GPR174: variants seen among roughly 807,000 people sequenced by gnomAD.
The protein encoded by GPR174 is probable G protein-coupled receptor 174.
Under a neutral mutation model 16.5 loss-of-function variants are expected in GPR174, and 8 were observed. That is an observed-to-expected ratio of 0.48 (90% confidence interval 0.28 to 0.87). The LOEUF (loss-of-function observed/expected upper bound fraction) is 0.87. GPR174 is among the 40% of genes least tolerant of loss of function. The pLI, the probability that GPR174 is intolerant of heterozygous loss-of-function variation, is 0.09. For synonymous variants in GPR174, 111 were observed against 94.8 expected, an observed-to-expected ratio of 1.17 and a Z score of -0.99; for missense variants, 214 against 247.5, an observed-to-expected ratio of 0.86 and a Z score of 0.91.
At chrX:79,167,031 T>C (rs1295432011) in intron 2 of GPR174, among the ~76,000 whole-genome samples, 1 of 111,561 alleles carries the variant, frequency 9.0e-6, no homozygotes, top group Non-Finnish European at 1.9e-5. Context: ...CATTTTAAGA[T>C]AGTGGCCTTG....
intron 2 of GPR174, among the ~76,000 whole-genome samples, chrX:79,164,766 C>T (rs758828658): frequency 1.3e-3 from 140 of 111,459 alleles, no homozygotes; most frequent in Non-Finnish European, 1.5e-3. Context: ...CAACATGCTA[C>T]GAAGATCCAG....
intron 1 of GPR174, among the ~76,000 whole-genome samples, chrX:79,148,288 C>T (rs1028218292): frequency 9.0e-6 from 1 of 111,248 alleles, no homozygotes; most frequent in Admixed American, 9.5e-5. Flanking sequence ...GTCAAAAGTG[C>T]CCATCAACTC....
Position 79,145,039 on chromosome X carries a change from TTTCTTTCTTTC to T in GPR174, c.-829_-819del, listed in dbSNP as rs1926470709. ...CTTTCTTTCTTTCTTTCTTTCTTTCTTTCTTTCTTTCTTTCTTTCTTTCTTTTTTTTCTCCT... is the reference window on the plus strand; with the variant it reads ...CTTTCTTTCTTTCTTTCTTTCTTTCTTTTCTTTCTTTCTTTTTTTTCTCCT... On this transcript the variant is annotated 5_prime_UTR_variant, in exon 1 of 3. Transcript: ENST00000645147. 2.0e-5 allele frequency: 2 copies of T among 99,389 alleles called. No individual in the cohort carries two copies. Among genetic ancestry groups the T allele is most frequent in the African/African-American group, 7.4e-5 (2 of 26,911 alleles). The allele number at this position is 99,389 out of a possible 1,213,427, so 8.2% of individuals were successfully genotyped here.
chrX:79,152,080 A>G (rs931021997), intron 1 of GPR174, among the ~76,000 whole-genome samples: 1 of 112,079 alleles, frequency 8.9e-6, no homozygotes, highest in Admixed American at 9.4e-5. Flanking sequence ...TTAGAGCACA[A>G]TGTGTGGTTT....
intron 1 of GPR174, among the ~76,000 whole-genome samples, chrX:79,151,683 G>A (rs1037931679): frequency 1.8e-5 from 2 of 111,715 alleles, no homozygotes; most frequent in African/African-American, 3.3e-5. Flanking sequence ...AAAAGGAAAA[G>A]GAGGCGGGGA....
chrX:79,164,826 C>G (rs769227717), intron 2 of GPR174, among the ~76,000 whole-genome samples: 3 of 111,052 alleles, frequency 2.7e-5, no homozygotes, highest in African/African-American at 9.8e-5. Flanking sequence ...CTAGGGGAGG[C>G]TTATTTTCAA....
In GPR174 at chrX:79,172,334, G is replaced by T. The variant is rs1238187282; in HGVS notation, c.*325G>T. 2 of 202,428 alleles carry T rather than the reference G, an allele frequency of 9.9e-6. No individual in the cohort carries two copies. Among genetic ancestry groups the T allele is most frequent in the Non-Finnish European group, 9.1e-6 (1 of 109,436 alleles). 16.7% of individuals were successfully genotyped at this position (202,428 alleles called of 1,213,427 possible). A position where few individuals can be genotyped will look rare whatever the true frequency, so the allele number is the denominator to read the frequency against. On this transcript the variant is annotated 3_prime_UTR_variant, in exon 3 of 3. Coordinates refer to ENST00000645147, the MANE Select transcript of GPR174 (RefSeq NM_032553.3). ...AACCTCAGGCACAAAAAGATTATTA[G>T]CTTGGAGTCACCATAAACATTTAGT... is the stretch of plus-strand genomic sequence containing the variant.
At chrX:79,163,365 T>G (rs1921280777) in intron 2 of GPR174, among the ~76,000 whole-genome samples, 1 of 112,007 alleles carries the variant, frequency 8.9e-6, no homozygotes, top group African/African-American at 3.2e-5. Context: ...TCCAGAAAGT[T>G]TACTTTTGCC....
chrX:79,172,043 C>A lies in GPR174; in HGVS notation c.*34C>A, dbSNP rs771216228. 1.7e-6 allele frequency: 2 copies of A among 1,149,706 alleles called. No homozygotes were observed. The highest frequency in any genetic ancestry group is 6.0e-5 in the East Asian group (2 of 33,402). 94.7% of individuals were successfully genotyped at this position (1,149,706 alleles called of 1,213,427 possible). ...ACCAAACTGAATGTGACCTGAAATG[C>A]AAGTACATCAGAACATATCTGCAAT... On this transcript the variant is annotated 3_prime_UTR_variant, in exon 3 of 3. Coordinates refer to ENST00000645147, the MANE Select transcript of GPR174 (RefSeq NM_032553.3).
intron 1 of GPR174, among the ~76,000 whole-genome samples, chrX:79,148,662 C>A (rs1195465022): frequency 9.0e-6 from 1 of 110,840 alleles, no homozygotes; most frequent in Non-Finnish European, 1.9e-5. Context: ...GGGACCATAG[C>A]CATGCACCAC....
chrX:79,167,045 G>A (rs750643902), intron 2 of GPR174, among the ~76,000 whole-genome samples: 108 of 111,747 alleles, frequency 9.7e-4, no homozygotes, highest in Non-Finnish European at 1.5e-3. Context: ...GGCCTTGGAG[G>A]ACAGGCAGGA....
chrX:79,159,511 ATAT>A (rs1480611364), intron 2 of GPR174, among the ~76,000 whole-genome samples: 5 of 111,975 alleles, frequency 4.5e-5, no homozygotes, highest in Middle Eastern at 4.6e-3. Flanking sequence ...AGCTTTATAA[ATAT>A]TAACTCATTA....
In GPR174 at chrX:79,158,443, TTTTTC is replaced by T. The variant is rs1305590130; in HGVS notation, c.-557+1530_-557+1534del. ...TGGCATATTTCTTTTTCTTTCTTTC[TTTTTC>T]TTTTTTTTTTTTTTGAGATGGAGTC... On this transcript the variant is annotated intron_variant, in intron 2 of 2. Coordinates refer to ENST00000645147, the MANE Select transcript of GPR174 (RefSeq NM_032553.3). Among the ~76,000 whole-genome samples the T allele has an allele frequency of 9.7e-4, 63 of 64,966 alleles. 8 individuals are homozygous for T. The highest frequency in any genetic ancestry group is 1.2e-3 in the East Asian group (3 of 2,514). The allele number at this position is 64,966 out of a possible 115,157, so 56.4% of individuals were successfully genotyped here.
chrX:79,174,306 T>A lies in GPR174; in HGVS notation c.*2297T>A, dbSNP rs1421637425. 9.5e-6 allele frequency: 1 copy of A among 105,647 alleles called. No homozygotes were observed. The highest frequency in any genetic ancestry group is 3.4e-5 in the African/African-American group (1 of 28,987). The allele number at this position is 105,647 out of a possible 1,213,427, so 8.7% of individuals were successfully genotyped here. A position where few individuals can be genotyped will look rare whatever the true frequency, so the allele number is the denominator to read the frequency against. On this transcript the variant is annotated 3_prime_UTR_variant, in exon 3 of 3. Coordinates refer to ENST00000645147, the MANE Select transcript of GPR174 (RefSeq NM_032553.3). ...TCTGATTTACTTTATTCACCCCTTA[T>A]CCCATCAATATGTTTTGTCTTCTGC...
chrX:79,167,043 A>G (rs1921390017), intron 2 of GPR174, among the ~76,000 whole-genome samples: 1 of 111,946 alleles, frequency 8.9e-6, no homozygotes, highest in African/African-American at 3.3e-5. Context: ...GTGGCCTTGG[A>G]GGACAGGCAG....
intron 2 of GPR174, among the ~76,000 whole-genome samples, chrX:79,169,494 G>A (rs189471722): frequency 2.7e-4 from 30 of 111,539 alleles, no homozygotes; most frequent in Non-Finnish European, 2.3e-4. Flanking sequence ...TGAATAAAAC[G>A]TGCTGTTTCA....
rs1174620976 is a variant in GPR174, at chrX:79,166,432, C to CTTT, written c.-556-3996_-556-3994dup. 2.1e-3 allele frequency among the ~76,000 whole-genome samples: 93 copies of CTTT among 43,622 alleles called. 6 individuals carry two copies. The highest frequency in any genetic ancestry group is 5.9e-3 in the East Asian group (7 of 1,183). The allele number at this position is 43,622 out of a possible 115,157, so 37.9% of individuals were successfully genotyped here. Reference sequence around the variant, plus strand: ...GGATCTTTTTTTTCTTTTCTTTTTTCTTTTTTTTTTTTTTTTTTTTTTTTT... The same window carrying CTTT: ...GGATCTTTTTTTTCTTTTCTTTTTTCTTTTTTTTTTTTTTTTTTTTTTTTTTTT... On this transcript the variant is annotated intron_variant, in intron 2 of 2. Coordinates refer to ENST00000645147, the MANE Select transcript of GPR174 (RefSeq NM_032553.3).
intron 2 of GPR174, among the ~76,000 whole-genome samples, chrX:79,163,025 G>T (rs1921272083): frequency 9.0e-6 from 1 of 111,704 alleles, no homozygotes; most frequent in African/African-American, 3.3e-5. Flanking sequence ...CTGTGTGCTA[G>T]AACAGTCTGG....
At chrX:79,157,374 A>G (rs1371564594) in intron 2 of GPR174, among the ~76,000 whole-genome samples, 1 of 111,834 alleles carries the variant, frequency 8.9e-6, no homozygotes, top group Non-Finnish European at 1.9e-5. Flanking sequence ...CTCATCTAAC[A>G]CTAGTCCTGG....
Sources: gnomAD v4.1 joint callset for allele counts (sites outside exome capture counted in the v4.1 genomes callset) on GRCh38, gnomAD v4.1.1 for gene constraint, MANE v1.5 for transcripts, NCBI Gene and HGNC (gene_info 2026-07-23, HGNC 2026-07-21) for gene names.